Variants in ZNF710 observed in about 807,000 individuals in gnomAD.
ZNF710 encodes zinc finger protein 710.
ZNF710 carries 13 observed loss-of-function variants against 50.6 expected under a neutral mutation model. The observed-to-expected ratio is 0.26, with a 90% CI of 0.17 to 0.41. The LOEUF (loss-of-function observed/expected upper bound fraction) is 0.41. Among genes scored for constraint, ZNF710 ranks in the 10% least tolerant of loss-of-function variants. ZNF710 has a pLI of 1.00. For missense variants in ZNF710, 721 were observed against 936.6 expected, an observed-to-expected ratio of 0.77 and a Z score of 3.01; for synonymous variants, 383 against 397.0, an observed-to-expected ratio of 0.96 and a Z score of 0.42.
intron 1 of ZNF710, among the ~76,000 whole-genome samples, chr15:90,022,808 G>A (rs1898662535): frequency 6.6e-6 from 1 of 152,148 alleles, no homozygotes; most frequent in Non-Finnish European, 1.5e-5. Flanking sequence ...GGGCTTGATT[G>A]TGTTTCTTAA....
intron 1 of ZNF710, among the ~76,000 whole-genome samples, chr15:90,065,317 T>A (rs982272713): frequency 6.6e-6 from 1 of 152,034 alleles, no homozygotes; most frequent in Non-Finnish European, 1.5e-5. Context: ...GAGAGGCTGG[T>A]AGTTGGTCCG....
chr15:90,017,657 C>T (rs1188501475), intron 1 of ZNF710, among the ~76,000 whole-genome samples: 1 of 151,912 alleles, frequency 6.6e-6, no homozygotes. Context: ...CCATCCTGTC[C>T]ACTTTTGTTT....
intron 1 of ZNF710, among the ~76,000 whole-genome samples, chr15:90,060,818 C>T (rs550544282): frequency 1.1e-4 from 16 of 152,170 alleles, no homozygotes; most frequent in African/African-American, 3.6e-4. Flanking sequence ...ATTGCTCCAC[C>T]GCACTCCAGA....
chr15:90,060,069 C>A (rs941991494), intron 1 of ZNF710, among the ~76,000 whole-genome samples: 3 of 150,614 alleles, frequency 2.0e-5, no homozygotes, highest in Admixed American at 2.0e-4. Flanking sequence ...ACTGCCTCCA[C>A]GGAAGCCAGT....
intron 1 of ZNF710, among the ~76,000 whole-genome samples, chr15:90,020,012 A>C (rs1261800219): frequency 1.3e-5 from 2 of 152,208 alleles, no homozygotes; most frequent in Non-Finnish European, 2.9e-5. Context: ...CTAGCCCAGG[A>C]GTCCAGGCCA....
chr15:90,021,015 C>A (rs1006735427), intron 1 of ZNF710, among the ~76,000 whole-genome samples: 27 of 105,386 alleles, frequency 2.6e-4, no homozygotes, highest in Admixed American at 1.9e-3. Flanking sequence ...TGGCACCCCC[C>A]CCCCCTTAGC....
chr15:90,011,678 A>G (rs1898308638), intron 1 of ZNF710, among the ~76,000 whole-genome samples: 1 of 152,084 alleles, frequency 6.6e-6, no homozygotes, highest in Non-Finnish European at 1.5e-5. Flanking sequence ...TCAGAACATC[A>G]TGTGGCAAAG....
At chr15:90,078,211 CAAAAA>C (rs35832666) in intron 4 of ZNF710, among the ~76,000 whole-genome samples, 4 of 116,264 alleles carry the variant, frequency 3.4e-5, no homozygotes, top group Non-Finnish European at 5.4e-5. Context: ...AACTCGGTCT[CAAAAA>C]AAAAAAAAAA....
intron 1 of ZNF710, among the ~76,000 whole-genome samples, chr15:90,027,949 G>T (rs1170389526): frequency 2.0e-5 from 3 of 152,118 alleles, no homozygotes; most frequent in Non-Finnish European, 2.9e-5. Flanking sequence ...TGAGCTCCAT[G>T]AGGCTAGGAA....
chr15:90,012,137 A>T (rs577137477), intron 1 of ZNF710, among the ~76,000 whole-genome samples: 3 of 151,928 alleles, frequency 2.0e-5, no homozygotes, highest in Admixed American at 2.0e-4. Flanking sequence ...CCCGGGAGGT[A>T]GAGGTTGCAG....
At position 90,067,531 on chromosome 15, in the gene ZNF710, G is replaced by A; in HGVS notation, c.394G>A (p.Asp132Asn). Residue 132 changes from aspartate (D) to asparagine (N), a missense_variant, in exon 2 of 5, where the codon GAC becomes AAC. Physicochemically the swap from Asp to Asn is conservative, Grantham distance 23. Transcript: ENST00000268154. This position sits in a 1 kb window ranked among gnomAD's most constrained non-coding sequence, Gnocchi z 8.1. ...GGTTTCTGTGCCAGGTGACGACAAGGACGCAGGGCCAGCAGAAGCCCCCGC... is the reference window on the plus strand; with the variant it reads ...GGTTTCTGTGCCAGGTGACGACAAGAACGCAGGGCCAGCAGAAGCCCCCGC... ...YEVSVPGDDK[D>N]AGPAEAPAEA... 2.5e-6 allele frequency: 4 copies of A among 1,613,286 alleles called. No individual in the cohort carries two copies. Among genetic ancestry groups the A allele is most frequent in the Non-Finnish European group, 3.4e-6 (4 of 1,179,610 alleles).
At position 90,033,819 on chromosome 15, in the gene ZNF710, G is replaced by T. The variant is rs114698409; in HGVS notation, c.-29+32205G>T. 3.6e-3 allele frequency among the ~76,000 whole-genome samples: 542 copies of T among 152,316 alleles called. 2 individuals carry two copies. Among genetic ancestry groups the T allele is most frequent in the African/African-American group, 0.013 (527 of 41,574 alleles). ...GGTGGTTTAAGAGATGGCCTTCTGA[G>T]TCCTGCCTGGCCTGGGTATGGAAAC... On this transcript the variant is annotated intron_variant, in intron 1 of 4. Transcript: ENST00000268154.
At chr15:90,063,370 C>T (rs1900070425) in intron 1 of ZNF710, among the ~76,000 whole-genome samples, 3 of 152,088 alleles carry the variant, frequency 2.0e-5, no homozygotes, top group East Asian at 1.9e-4. Context: ...CTACCCCACC[C>T]CTGCCCCCCG....
rs771005330 is a variant in ZNF710, at chr15:90,067,376, C to CGGA, written c.248_250dup (p.Glu83dup). 188 of 1,596,210 alleles carry CGGA rather than the reference C, an allele frequency of 1.2e-4. No homozygotes were observed. Among genetic ancestry groups the CGGA allele is most frequent in the Non-Finnish European group, 1.6e-4 (184 of 1,171,260 alleles). On this transcript the variant is annotated inframe_insertion, in exon 2 of 5. Transcript: ENST00000268154. This position sits in a 1 kb window ranked among gnomAD's most constrained non-coding sequence, Gnocchi z 8.1. ...AACGGGAGGGCCTTGGAGGAGCCGG[C>CGGA]GGAGGAGGAGGTGCTGGAGGTGGAG...
Position 90,022,207 on chromosome 15 carries a change from C to T in ZNF710, c.-29+20593C>T, listed in dbSNP as rs551983436. Among the ~76,000 whole-genome samples, 3 of 151,824 alleles carry T rather than the reference C, an allele frequency of 2.0e-5. No individual in the cohort carries two copies. In the East Asian group the frequency reaches 5.8e-4, roughly 30 times the overall value. On this transcript the variant is annotated intron_variant, in intron 1 of 4. Transcript: ENST00000268154. ...CCTGACCAATATAGTGAAACCCCAT[C>T]TCTACTAAAAATACAAAAATTAGCC...
At chr15:90,005,534 C>T (rs1898118937) in intron 1 of ZNF710, among the ~76,000 whole-genome samples, 1 of 152,168 alleles carries the variant, frequency 6.6e-6, no homozygotes, top group African/African-American at 2.4e-5. Context: ...CTGCAACCTT[C>T]GCCTCCTGGC....
rs1375515352 is a variant in ZNF710 at position 90,073,228 on chromosome 15, T to C, written c.1616T>C (p.Ile539Thr). ...AAGCAGACTCTCAAGACCCACATGA[T>C]TGTACACTCGCCCGTGAAGCCATTC... ...VQKQTLKTHM[I>T]VHSPVKPFKC... Residue 539 changes from isoleucine to threonine, a missense_variant, in exon 3 of 5, where the codon ATT becomes ACT. By Grantham distance (89) the Ile-to-Thr change is moderately conservative (BLOSUM62 -1). This residue lies in a region of ZNF710 where 326 missense variants were observed against 522.0 expected (regional missense o/e 0.62). Transcript: ENST00000268154. 4.3e-6 allele frequency: 7 copies of C among 1,613,988 alleles called. No individual in the cohort carries two copies. The highest frequency in any genetic ancestry group is 2.2e-5 in the East Asian group (1 of 44,890).
chr15:90,046,740 G>A (rs180734563), intron 1 of ZNF710, among the ~76,000 whole-genome samples: 1 of 152,300 alleles, frequency 6.6e-6, no homozygotes, highest in Non-Finnish European at 1.5e-5. Flanking sequence ...AGGGTCTGGG[G>A]CTCCAAAGGG....
At chr15:90,043,412 G>A (rs1208590226) in intron 1 of ZNF710, among the ~76,000 whole-genome samples, 1 of 152,278 alleles carries the variant, frequency 6.6e-6, no homozygotes, top group Non-Finnish European at 1.5e-5. Flanking sequence ...GGCGGCCAGG[G>A]CAGGGAGCAG....
Sources: allele counts gnomAD v4.1 joint callset (sites outside exome capture counted in the v4.1 genomes callset), GRCh38; gene constraint gnomAD v4.1.1; regional missense constraint gnomAD v4.1.1; non-coding constraint Gnocchi (gnomAD v3.1); transcripts MANE v1.5; gene names NCBI Gene and HGNC (gene_info 2026-07-23, HGNC 2026-07-21).